Variants in GLRA2 observed in about 807,000 individuals in gnomAD.
GLRA2 encodes the protein glycine receptor subunit alpha-2.
In GLRA2, 11 loss-of-function variants were observed where a neutral mutation model predicts 31.6. The ratio of observed to expected loss-of-function variants is 0.35; its 90% CI spans 0.22 to 0.58. The LOEUF is 0.58. GLRA2 is among the 20% of genes least tolerant of loss of function. The pLI, the probability that GLRA2 is intolerant of heterozygous loss-of-function variation, is 0.84. For synonymous variants in GLRA2, 132 were observed against 134.0 expected (o/e 0.99, Z 0.10); for missense variants, 212 against 351.8 (o/e 0.60, Z 3.18).
At chrX:14,616,199 C>T (rs760274239) in intron 7 of GLRA2, among the ~76,000 whole-genome samples, 6 of 111,786 alleles carry the variant, frequency 5.4e-5, no homozygotes, top group Admixed American at 2.9e-4. Flanking sequence ...GATTATTTTC[C>T]TTTACTCCAT....
chrX:14,704,709 T>A (rs757727042), intron 8 of GLRA2, among the ~76,000 whole-genome samples: 25 of 112,016 alleles, frequency 2.2e-4, no homozygotes, highest in Non-Finnish European at 2.1e-4. Flanking sequence ...AAACGACCCC[T>A]GCCTTCTTAG....
At chrX:14,490,271 C>G in the GLRA2 span, among the ~76,000 whole-genome samples, 1 of 112,110 alleles carries the variant, frequency 8.9e-6, no homozygotes, top group South Asian at 3.8e-4. Flanking sequence ...CCAACATTAT[C>G]TGTTCTTCAG....
chrX:14,698,051 A>G (rs28403421), intron 8 of GLRA2, among the ~76,000 whole-genome samples: 25,699 of 110,963 alleles, frequency 0.23, 2,255 homozygotes, highest in Non-Finnish European at 0.26. Context: ...CTCAATTTAC[A>G]GATGAGGAAA....
chrX:14,483,477 G>A, the GLRA2 span, among the ~76,000 whole-genome samples: 1 of 111,804 alleles, frequency 8.9e-6, no homozygotes, highest in Non-Finnish European at 1.9e-5. Context: ...GATGCTACAT[G>A]CAACACACTT....
chrX:14,646,036 T>C (rs2090827981), intron 7 of GLRA2, among the ~76,000 whole-genome samples: 1 of 112,212 alleles, frequency 8.9e-6, no homozygotes, highest in South Asian at 3.7e-4. Flanking sequence ...GGGAATTACA[T>C]TATCCTAAGA....
At chrX:14,528,752 C>A (rs2089214158), upstream of GLRA2, among the ~76,000 whole-genome samples, 1 of 111,785 alleles carries the variant, frequency 8.9e-6, no homozygotes, top group Non-Finnish European at 1.9e-5. Flanking sequence ...TTGCACTTTT[C>A]CTTGCTCCAT....
intron 4 of GLRA2, among the ~76,000 whole-genome samples, chrX:14,594,980 GAATT>G (rs1232875151): frequency 2.8e-5 from 3 of 108,180 alleles, no homozygotes; most frequent in Non-Finnish European, 5.7e-5. Flanking sequence ...TGCTTATTTG[GAATT>G]AATAGAGAGG....
At chrX:14,717,345 TA>T (rs766206290) in intron 8 of GLRA2, among the ~76,000 whole-genome samples, 280 of 91,195 alleles carry the variant, frequency 3.1e-3, no homozygotes, top group African/African-American at 3.9e-3. Flanking sequence ...CTTAAGAAAG[TA>T]AAAAAAAAAA....
At chrX:14,468,553 C>T in the GLRA2 span, among the ~76,000 whole-genome samples, 3 of 111,960 alleles carry the variant, frequency 2.7e-5, no homozygotes, top group Non-Finnish European at 5.6e-5. Context: ...GAAATGTAGA[C>T]GATTTTGAAA....
chrX:14,594,619 T>C lies in GLRA2; in HGVS notation c.495-9696T>C, dbSNP rs6630651. Among the ~76,000 whole-genome samples, 23 of 111,758 alleles carry C rather than the reference T, an allele frequency of 2.1e-4. 1 individual carries two copies. The East Asian group carries it at 2.2e-3, about 11-fold the overall frequency. On this transcript the variant is annotated intron_variant, in intron 4 of 8. Transcript: ENST00000218075. ...TTTTCATCCAGGAAATATCAAAGCA[T>C]TTGGGAAAATTTTAGCTGCAGATTT...
At chrX:14,623,773 G>C (rs924298928) in intron 7 of GLRA2, among the ~76,000 whole-genome samples, 2 of 111,371 alleles carry the variant, frequency 1.8e-5, no homozygotes, top group Admixed American at 1.9e-4. Flanking sequence ...GAGGATTTTT[G>C]CATCGATGTT....
chrX:14,569,266 A>T (rs912219732), intron 2 of GLRA2, among the ~76,000 whole-genome samples: 2 of 111,844 alleles, frequency 1.8e-5, no homozygotes, highest in African/African-American at 6.5e-5. Flanking sequence ...AAAAAGAAAA[A>T]AACAAACAAA....
At chrX:14,531,319 A>G (rs895097385) in intron 1 of GLRA2, 12 of 279,494 alleles carry the variant, frequency 4.3e-5, no homozygotes, top group African/African-American at 3.1e-4. Flanking sequence ...ATAAGACACT[A>G]TTTGTTAAAC....
At chrX:14,650,367 G>GA (rs750896033) in intron 7 of GLRA2, among the ~76,000 whole-genome samples, 149 of 100,842 alleles carry the variant, frequency 1.5e-3, no homozygotes, top group South Asian at 8.8e-3. Flanking sequence ...GTTCTGTTCA[G>GA]AAAAAAAAAA....
At chrX:14,716,812 G>T (rs1338889758) in intron 8 of GLRA2, among the ~76,000 whole-genome samples, 2 of 111,058 alleles carry the variant, frequency 1.8e-5, no homozygotes, top group Non-Finnish European at 3.8e-5. Flanking sequence ...AAGAAAAATG[G>T]AAATTAATAC....
intron 8 of GLRA2, among the ~76,000 whole-genome samples, chrX:14,692,461 A>G (rs901056480): frequency 2.7e-5 from 3 of 112,131 alleles, no homozygotes; most frequent in Non-Finnish European, 5.6e-5. Context: ...TCTATTGGTC[A>G]GTGGATGGTT....
At chrX:14,550,719 TA>T (rs910182218) in intron 2 of GLRA2, among the ~76,000 whole-genome samples, 1 of 111,732 alleles carries the variant, frequency 8.9e-6, no homozygotes, top group Non-Finnish European at 1.9e-5. Context: ...CAGACTTTTC[TA>T]AAAAAAATTT....
At chrX:14,527,142 C>T (rs1215170208), upstream of GLRA2, among the ~76,000 whole-genome samples, 1 of 111,467 alleles carries the variant, frequency 9.0e-6, no homozygotes, top group Non-Finnish European at 1.9e-5. Flanking sequence ...ATTGATAGGG[C>T]TGGAATCCAA....
intron 8 of GLRA2, among the ~76,000 whole-genome samples, chrX:14,716,887 C>A (rs1177476730): frequency 2.7e-5 from 3 of 111,384 alleles, no homozygotes; most frequent in African/African-American, 9.8e-5. Context: ...ATTTGCACAT[C>A]GCCTTGTATG....
Sources: gnomAD v4.1 joint callset for allele counts (sites outside exome capture counted in the v4.1 genomes callset) on GRCh38, gnomAD v4.1.1 for gene constraint, MANE v1.5 for transcripts, NCBI Gene and HGNC (gene_info 2026-07-23, HGNC 2026-07-21) for gene names.